MAP7D3: variants seen among roughly 807,000 people sequenced by gnomAD.
MAP7D3 encodes MAP7 domain containing 3, also known as MAP7 domain-containing protein 3.
In MAP7D3, 45 loss-of-function variants were observed where a neutral mutation model predicts 62.2. The observed-to-expected ratio is 0.72, with a 90% CI of 0.57 to 0.93. The LOEUF is 0.93. Ranked by LOEUF, MAP7D3 falls within the 40% of genes least tolerant of loss-of-function variation. The probability of loss-of-function intolerance (pLI) is 0.00; values close to 1 mark genes in which losing one functional copy is unlikely to be tolerated. For missense variants in MAP7D3, 711 were observed against 683.1 expected (o/e 1.04, Z -0.45); for synonymous variants, 288 against 248.8 (o/e 1.16, Z -1.48).
chrX:136,219,639 G>A lies in MAP7D3; in HGVS notation c.2519C>T (p.Thr840Met), dbSNP rs766098943. 14 of 1,205,853 alleles carry A rather than the reference G, an allele frequency of 1.2e-5. No individual in the cohort carries two copies. The highest frequency in any genetic ancestry group is 1.7e-5 in the African/African-American group (1 of 57,221). Residue 840 changes from threonine to methionine, a missense_variant, in exon 17 of 19, where the codon ACG (threonine) becomes ATG (methionine). By Grantham distance (81) the Thr-to-Met change is moderately conservative. Coordinates refer to ENST00000316077, the MANE Select transcript of MAP7D3 (RefSeq NM_024597.4). ...GGTTTCATCCGCCTTTCTGGTTTTC[G>A]TTGTGTGACTGGTCATTCTTTTGGA... ...PSSKRMTSHT[T>M]KTRKADETNT... is the part of the protein sequence containing the mutation.
chrX:136,227,542 C>T (rs1431930810), intron 11 of MAP7D3, 111 bp from the exon 12 acceptor site: 1 of 480,548 alleles, frequency 2.1e-6, no homozygotes, highest in East Asian at 3.8e-5. Flanking sequence ...TAATTTATAT[C>T]CACACCAGAG....
At chrX:136,255,239 G>A (rs2074545363), upstream of MAP7D3, among the ~76,000 whole-genome samples, 1 of 111,936 alleles carries the variant, frequency 8.9e-6, no homozygotes, top group African/African-American at 3.2e-5. Context: ...ACAAAAAAAA[G>A]CAAATAAAAA....
upstream of MAP7D3, chrX:136,251,463 CGGGG>C: frequency 7.3e-6 from 1 of 136,258 alleles, no homozygotes; most frequent in Non-Finnish European, 9.9e-6. Flanking sequence ...CGGGGCGGGG[CGGGG>C]CGGGGCGGGG....
rs754314496 is a variant in MAP7D3, at chrX:136,245,615, C to T, written c.253+450G>A. ...ACAAAAAATTAGCCGGGTGTGGTGG[C>T]GGGTGACTGTAGTCCCAGTTACTCG... On this transcript the variant is annotated intron_variant, in intron 3 of 18. Transcript: ENST00000316077. Among the ~76,000 whole-genome samples, 4 of 110,218 alleles carry T rather than the reference C, an allele frequency of 3.6e-5. No homozygotes were observed. The South Asian group carries it at 1.2e-3, about 32-fold the overall frequency.
At chrX:136,247,032 T>C (rs377340753) in intron 1 of MAP7D3, among the ~76,000 whole-genome samples, 1 of 112,442 alleles carries the variant, frequency 8.9e-6, no homozygotes, top group East Asian at 2.8e-4. Context: ...GAAATAAATA[T>C]TCTTTTAGAA....
At chrX:136,233,183 A>C (rs1474738604) in intron 7 of MAP7D3, among the ~76,000 whole-genome samples, 1 of 111,680 alleles carries the variant, frequency 9.0e-6, no homozygotes, top group Non-Finnish European at 1.9e-5. Context: ...AAATAAATGC[A>C]AAGAAAAATA....
intron 1 of MAP7D3, among the ~76,000 whole-genome samples, chrX:136,248,097 T>C (rs2074468398): frequency 9.0e-6 from 1 of 111,647 alleles, no homozygotes; most frequent in African/African-American, 3.3e-5. Flanking sequence ...GCCTGTAGTC[T>C]CAGCTACTCA....
intron 3 of MAP7D3, among the ~76,000 whole-genome samples, chrX:136,245,105 G>A (rs983391967): frequency 1.8e-5 from 2 of 112,103 alleles, no homozygotes; most frequent in African/African-American, 3.2e-5. Flanking sequence ...GCTGATTTGA[G>A]CTAAAGTCAA....
chrX:136,238,820 ATT>A (rs1185691240), intron 6 of MAP7D3, among the ~76,000 whole-genome samples: 2 of 111,971 alleles, frequency 1.8e-5, no homozygotes, highest in African/African-American at 6.5e-5. Flanking sequence ...TAAAAACTAT[ATT>A]GTTTTAGGCA....
At chrX:136,229,226 T>G (rs1339404965) in intron 10 of MAP7D3, among the ~76,000 whole-genome samples, 1 of 111,770 alleles carries the variant, frequency 8.9e-6, no homozygotes, top group African/African-American at 3.3e-5. Flanking sequence ...TGTATACATT[T>G]GGTTGATCAT....
At chrX:136,247,552 T>C (rs1203395714) in intron 1 of MAP7D3, among the ~76,000 whole-genome samples, 1 of 109,205 alleles carries the variant, frequency 9.2e-6, no homozygotes, top group Non-Finnish European at 1.9e-5. Flanking sequence ...CAGCATAATC[T>C]TGAAAATGAC....
At chrX:136,240,735 C>T (rs1287959335) in intron 5 of MAP7D3, among the ~76,000 whole-genome samples, 1 of 111,544 alleles carries the variant, frequency 9.0e-6, no homozygotes, top group Admixed American at 9.5e-5. Flanking sequence ...GCTGGGACTA[C>T]AGGTGTGAGC....
intron 16 of MAP7D3, 157 bp from the exon 17 acceptor site, chrX:136,219,828 T>A: frequency 3.7e-6 from 2 of 533,584 alleles, no homozygotes; most frequent in Non-Finnish European, 6.7e-6. Context: ...ACCCTAGAGA[T>A]CACAGGACAC....
chrX:136,219,729 A>G, intron 16 of MAP7D3, 58 bp from the exon 17 acceptor site: 1 of 897,053 alleles, frequency 1.1e-6, no homozygotes. Context: ...GCTCTGGCCT[A>G]AAAGAAGCTT....
At chrX:136,250,109 C>T (rs1323957942) in intron 1 of MAP7D3, among the ~76,000 whole-genome samples, 1 of 111,461 alleles carries the variant, frequency 9.0e-6, no homozygotes, top group Non-Finnish European at 1.9e-5. Flanking sequence ...TCTAGGTGAA[C>T]CATAAGTATA....
chrX:136,243,949 A>G (rs1222912633), intron 4 of MAP7D3, among the ~76,000 whole-genome samples: 1 of 111,709 alleles, frequency 9.0e-6, no homozygotes, highest in Non-Finnish European at 1.9e-5. Context: ...AGGGCATAAC[A>G]AAGCCACAGA....
Position 136,241,207 on chromosome X carries a change from CT to C in MAP7D3, c.487del (p.Arg163AspfsTer34). The C allele has an allele frequency of 8.4e-7, 1 of 1,194,343 alleles. No individual in the cohort carries two copies. The highest frequency in any genetic ancestry group is 1.1e-6 in the Non-Finnish European group (1 of 884,650). On this transcript the variant is annotated frameshift_variant, in exon 5 of 19. Transcript: ENST00000316077. LOFTEE classifies it high-confidence loss of function. ...CATTGCAGAGCCTCCCCATGACCAT[CT>C]TTTTTGCTGATAATCATCAGCAAGT... ...RRLADDYQQK[R>X]WSWGGSAMAN...
chrX:136,216,161 T>C (rs771743191), downstream of MAP7D3, among the ~76,000 whole-genome samples: 7 of 109,280 alleles, frequency 6.4e-5, no homozygotes, highest in Non-Finnish European at 1.1e-4. Flanking sequence ...CCTCAACTTA[T>C]ACAACAGAAC....
chrX:136,224,381 C>G (rs1359076505), intron 14 of MAP7D3, among the ~76,000 whole-genome samples: 1 of 104,060 alleles, frequency 9.6e-6, no homozygotes, highest in Non-Finnish European at 1.9e-5. Flanking sequence ...GCCTGGGTGA[C>G]AGAGCGGGAC....
Sources: allele counts gnomAD v4.1 joint callset (sites outside exome capture counted in the v4.1 genomes callset), GRCh38; gene constraint gnomAD v4.1.1; transcripts MANE v1.5; gene names NCBI Gene and HGNC (gene_info 2026-07-23, HGNC 2026-07-21).